Variants in MAST2 observed in about 807,000 individuals in gnomAD.
MAST2 encodes the protein microtubule-associated serine/threonine-protein kinase 2.
Under a neutral mutation model 147.4 loss-of-function variants are expected in MAST2, and 70 were observed. The ratio of observed to expected loss-of-function variants is 0.47; its 90% confidence interval spans 0.39 to 0.58. MAST2 has a LOEUF of 0.58. MAST2 is among the 20% of genes least tolerant of loss of function. The probability of loss-of-function intolerance (pLI) is 0.00; values close to 1 mark genes in which losing one functional copy is unlikely to be tolerated. For synonymous variants in MAST2, 869 were observed against 896.8 expected (o/e 0.97, Z 0.55); for missense variants, 2,080 against 2,302.3 (o/e 0.90, Z 1.98).
chr1:45,930,483 T>A (rs1331427384), intron 4 of MAST2, among the ~76,000 whole-genome samples: 1 of 152,032 alleles, frequency 6.6e-6, no homozygotes, highest in Non-Finnish European at 1.5e-5. Flanking sequence ...ATAGATGCAT[T>A]CATTCATTCA....
At chr1:45,848,763 A>T (rs773119643) in intron 3 of MAST2, among the ~76,000 whole-genome samples, 1 of 152,212 alleles carries the variant, frequency 6.6e-6, no homozygotes, top group Non-Finnish European at 1.5e-5. Flanking sequence ...AATAAACGGC[A>T]TTCAAGTAGG....
intron 4 of MAST2, among the ~76,000 whole-genome samples, chr1:45,947,068 A>T (rs1382393021): frequency 6.6e-6 from 1 of 152,162 alleles, no homozygotes; most frequent in Admixed American, 6.5e-5. Flanking sequence ...AGGCCTTCAA[A>T]TAATGTTATT....
chr1:45,941,725 A>T (rs562814617), intron 4 of MAST2, among the ~76,000 whole-genome samples: 21 of 152,044 alleles, frequency 1.4e-4, no homozygotes, highest in Non-Finnish European at 1.6e-4. Flanking sequence ...TAGAACCTCT[A>T]GTACAATGTT....
At chr1:46,007,179 C>T (rs1448278231) in intron 8 of MAST2, among the ~76,000 whole-genome samples, 3 of 152,100 alleles carry the variant, frequency 2.0e-5, no homozygotes, top group African/African-American at 7.2e-5. Flanking sequence ...CTCAGTTTTG[C>T]AGGGTCCCTA....
At chr1:45,924,304 G>C (rs1191451047) in intron 4 of MAST2, among the ~76,000 whole-genome samples, 2 of 152,222 alleles carry the variant, frequency 1.3e-5, no homozygotes, top group Non-Finnish European at 1.5e-5. Flanking sequence ...TGAAAACGGT[G>C]ATGAACCTCC....
At chr1:45,937,684 G>C (rs1656463172) in intron 4 of MAST2, among the ~76,000 whole-genome samples, 1 of 139,414 alleles carries the variant, frequency 7.2e-6, no homozygotes, top group Admixed American at 7.5e-5. Context: ...CCCGGGAGGT[G>C]GAGGTTGCAG....
At chr1:45,923,432 A>G (rs991538791) in intron 4 of MAST2, among the ~76,000 whole-genome samples, 3 of 152,232 alleles carry the variant, frequency 2.0e-5, no homozygotes, top group Non-Finnish European at 4.4e-5. Context: ...TAAATTTACA[A>G]ACTCTGAGCA....
At chr1:45,953,729 G>A (rs1169732083) in intron 4 of MAST2, among the ~76,000 whole-genome samples, 8 of 152,202 alleles carry the variant, frequency 5.3e-5, no homozygotes, top group African/African-American at 7.2e-5. Flanking sequence ...TTGAGCAGAG[G>A]AATGAAATAA....
intron 4 of MAST2, among the ~76,000 whole-genome samples, chr1:45,952,288 A>T (rs1326153190): frequency 6.6e-6 from 1 of 152,212 alleles, no homozygotes; most frequent in Non-Finnish European, 1.5e-5. Context: ...ATAATGTATG[A>T]TTCAGTTTCT....
At chr1:46,016,547 A>G (rs1645950748) in intron 10 of MAST2, among the ~76,000 whole-genome samples, 1 of 152,164 alleles carries the variant, frequency 6.6e-6, no homozygotes, top group African/African-American at 2.4e-5. Flanking sequence ...ACAGACAAAC[A>G]GCCAAATCAT....
chr1:45,829,502 C>G lies in MAST2; in HGVS notation c.389C>G (p.Ser130Trp). Residue 130 changes from serine (S) to tryptophan (W), a missense_variant, in exon 3 of 29, where the codon TCG (serine) becomes TGG (tryptophan). This residue lies in a region of MAST2 where 569 missense variants were observed against 642.5 expected (regional missense o/e 0.89). Coordinates refer to ENST00000361297, the MANE Select transcript of MAST2 (RefSeq NM_015112.3). ...HSSVGQVTWQ[S>W]SGEASNLVRM... The stretch of plus-strand genomic sequence containing the variant: ...AGTGTGGGACAGGTGACTTGGCAGT[C>G]GTCAGGAGAAGCATCAAACCTGGTT... The G allele has an allele frequency of 6.2e-7, 1 of 1,614,118 alleles. No individual in the cohort carries two copies. The highest frequency in any genetic ancestry group is 8.5e-7 in the Non-Finnish European group (1 of 1,179,998).
intron 10 of MAST2, 77 bp downstream of exon 10, chr1:46,011,016 C>A: frequency 8.0e-7 from 1 of 1,253,848 alleles, no homozygotes; most frequent in Admixed American, 1.8e-5. Context: ...AAGATTAGGG[C>A]ATTAGTGGTA....
rs749944799 is a variant in MAST2 at position 46,019,681 on chromosome 1, G to A, written c.1274G>A (p.Arg425His). 62 of 1,614,036 alleles carry A rather than the reference G, an allele frequency of 3.8e-5. No individual in the cohort carries two copies. Among genetic ancestry groups the A allele is most frequent in the Non-Finnish European group, 5.0e-5 (59 of 1,179,998 alleles). ...ATGATTATCATTGCCCGCCCAGCAC[G>A]TCTCCTGGAATGCCTGGTGAGTGGA... ...KLMIIIARPA[R>H]LLECLEFDPE... The change falls in exon 11 of 29, where the codon CGT becomes CAT. Residue 425 changes from arginine (R) to histidine (H), a missense_variant. By Grantham distance (29) the Arg-to-His change is conservative. Around this residue, in one of 4 missense-constraint regions of MAST2, gnomAD observed 569 missense variants for 642.5 expected, o/e 0.89. Coordinates refer to ENST00000361297, the MANE Select transcript of MAST2 (RefSeq NM_015112.3).
At chr1:45,923,863 C>G (rs1270274659) in intron 4 of MAST2, among the ~76,000 whole-genome samples, 7 of 152,106 alleles carry the variant, frequency 4.6e-5, no homozygotes, top group African/African-American at 1.7e-4. Flanking sequence ...TTATTACCTT[C>G]TTGTAAAAAC....
rs974925382 is a variant in MAST2, at chr1:45,854,291, C to T, written c.468+24710C>T. On this transcript the variant is annotated intron_variant, in intron 3 of 28. Transcript: ENST00000361297. ...GGCAGAGGTTGCAGTGAGCTGAGAT[C>T]GTACCACTGTACTGCAGCCTGGGTG... is the stretch of plus-strand genomic sequence containing the variant. Among the ~76,000 whole-genome samples, 7 of 149,912 alleles carry T rather than the reference C, an allele frequency of 4.7e-5. No individual in the cohort carries two copies. The East Asian group carries it at 9.8e-4, about 21-fold the overall frequency.
chr1:46,029,668 T>A, intron 19 of MAST2, 101 bp downstream of exon 19: 1 of 1,376,296 alleles, frequency 7.3e-7, no homozygotes, highest in Non-Finnish European at 1.0e-6. Flanking sequence ...GGGCAGCCCC[T>A]CTGGATCCTG....
At chr1:45,975,778 G>A (rs957510139) in intron 5 of MAST2, among the ~76,000 whole-genome samples, 1 of 151,796 alleles carries the variant, frequency 6.6e-6, no homozygotes, top group African/African-American at 2.4e-5. Context: ...AAGTCACGGA[G>A]GGCTATATGC....
rs1646570881 is a variant in MAST2, at chr1:46,029,899, A to C, written c.2389A>C (p.Lys797Gln). 6.2e-7 allele frequency: 1 copy of C among 1,614,034 alleles called. No homozygotes were observed. Among genetic ancestry groups the C allele is most frequent in the African/African-American group, 1.3e-5 (1 of 74,916 alleles). Reference protein sequence around the residue: ...GLDWTGLLRQKAEFIPQLESE... With the variant: ...GLDWTGLLRQQAEFIPQLESE... ...GGACTGGACAGGACTTCTCCGCCAGAAGGCTGAATTTATTCCTCAGTTGGA... is the reference window on the plus strand; with the variant it reads ...GGACTGGACAGGACTTCTCCGCCAGCAGGCTGAATTTATTCCTCAGTTGGA... Residue 797 changes from lysine (K) to glutamine (Q), a missense_variant, in exon 20 of 29, where the codon AAG becomes CAG. Coordinates refer to ENST00000361297, the MANE Select transcript of MAST2 (RefSeq NM_015112.3).
At chr1:45,870,402 A>C (rs1349281758) in intron 3 of MAST2, among the ~76,000 whole-genome samples, 1 of 151,966 alleles carries the variant, frequency 6.6e-6, no homozygotes, top group South Asian at 2.1e-4. Flanking sequence ...TAAAATGCTC[A>C]TGTATATAAT....
Sources: gnomAD v4.1 joint callset for allele counts (sites outside exome capture counted in the v4.1 genomes callset) on GRCh38, gnomAD v4.1.1 for gene constraint, gnomAD v4.1.1 regional missense constraint, MANE v1.5 for transcripts, NCBI Gene and HGNC (gene_info 2026-07-23, HGNC 2026-07-21) for gene names.